ATP6V0E1: variants seen among roughly 807,000 people sequenced by gnomAD.
The protein encoded by ATP6V0E1 is V-type proton ATPase subunit e 1.
ATP6V0E1 carries 4 observed loss-of-function variants against 11.6 expected under a neutral mutation model. The ratio of observed to expected loss-of-function variants is 0.35; its 90% confidence interval spans 0.17 to 0.79. ATP6V0E1 has a LOEUF of 0.79. Among genes scored for constraint, ATP6V0E1 ranks in the 30% least tolerant of loss-of-function variants. The probability of loss-of-function intolerance (pLI) is 0.54; values close to 1 mark genes in which losing one functional copy is unlikely to be tolerated. For missense variants in ATP6V0E1, 105 were observed against 100.0 expected (o/e 1.05, Z -0.21); for synonymous variants, 36 against 34.8 (o/e 1.04, Z -0.13).
chr5:173,015,133 G>C (rs929711256), intron 2 of ATP6V0E1, among the ~76,000 whole-genome samples: 3 of 152,150 alleles, frequency 2.0e-5, no homozygotes, highest in African/African-American at 7.2e-5. Context: ...AAATATTCCA[G>C]AAGGTCACTT....
intron 2 of ATP6V0E1, among the ~76,000 whole-genome samples, chr5:173,000,599 G>A (rs1756137168): frequency 6.6e-6 from 1 of 152,048 alleles, no homozygotes; most frequent in Non-Finnish European, 1.5e-5. Flanking sequence ...AAGGATACTT[G>A]GCACGATTAT....
At chr5:172,984,499 G>A (rs1755851441) in intron 1 of ATP6V0E1, among the ~76,000 whole-genome samples, 1 of 152,198 alleles carries the variant, frequency 6.6e-6, no homozygotes, top group Admixed American at 6.5e-5. Flanking sequence ...TCTAAAGCGA[G>A]ATTAATTACC....
At chr5:173,032,369 C>T (rs1756678706) in intron 3 of ATP6V0E1, among the ~76,000 whole-genome samples, 1 of 151,302 alleles carries the variant, frequency 6.6e-6, no homozygotes, top group Non-Finnish European at 1.5e-5. Context: ...CTCACTGCAA[C>T]CTCCGCCTCC....
chr5:173,023,860 A>G (rs1307847106), intron 3 of ATP6V0E1, among the ~76,000 whole-genome samples: 1 of 151,744 alleles, frequency 6.6e-6, no homozygotes, highest in Non-Finnish European at 1.5e-5. Context: ...ACAAACAAAC[A>G]AAAAACTTTT....
At chr5:173,018,353 G>T (rs750251583) in intron 2 of ATP6V0E1, among the ~76,000 whole-genome samples, 3 of 152,174 alleles carry the variant, frequency 2.0e-5, no homozygotes, top group Non-Finnish European at 4.4e-5. Flanking sequence ...CACTGAGTAG[G>T]CTGAGGAGGA....
At chr5:173,001,317 A>G (rs1756149409) in intron 2 of ATP6V0E1, among the ~76,000 whole-genome samples, 1 of 152,060 alleles carries the variant, frequency 6.6e-6, no homozygotes, top group Non-Finnish European at 1.5e-5. Context: ...CCCTTCATTC[A>G]CTTCCCAAAC....
At chr5:173,024,675 G>A (rs539292749) in intron 3 of ATP6V0E1, among the ~76,000 whole-genome samples, 16 of 152,086 alleles carry the variant, frequency 1.1e-4, no homozygotes, top group Non-Finnish European at 7.4e-5. Context: ...TGCTAGGTGC[G>A]TTTGTTGCTG....
chr5:173,006,129 GT>G (rs56851366), intron 2 of ATP6V0E1, among the ~76,000 whole-genome samples: 9,295 of 151,354 alleles, frequency 0.061, 809 homozygotes, highest in African/African-American at 0.19. Context: ...CCTTATTGTG[GT>G]TTTTTTTTGT....
intron 3 of ATP6V0E1, among the ~76,000 whole-genome samples, chr5:173,024,562 C>T (rs1259681896): frequency 6.6e-6 from 1 of 152,002 alleles, no homozygotes; most frequent in Non-Finnish European, 1.5e-5. Flanking sequence ...GAATTGGTTT[C>T]TGAATTCCCC....
At chr5:173,029,164 T>C (rs1239696952) in intron 3 of ATP6V0E1, among the ~76,000 whole-genome samples, 1 of 152,196 alleles carries the variant, frequency 6.6e-6, no homozygotes, top group African/African-American at 2.4e-5. Context: ...AGTACTGAAG[T>C]AGGGGAAGAC....
intron 3 of ATP6V0E1, among the ~76,000 whole-genome samples, chr5:173,030,933 T>G (rs926586626): frequency 2.0e-5 from 3 of 149,830 alleles, no homozygotes; most frequent in African/African-American, 7.4e-5. Flanking sequence ...ATTTATTTAT[T>G]TATTTATTTA....
intron 2 of ATP6V0E1, among the ~76,000 whole-genome samples, chr5:173,011,175 CTTT>C (rs754605378): frequency 1.3e-4 from 15 of 114,698 alleles, no homozygotes; most frequent in African/African-American, 6.3e-5. Context: ...CCTGATTTAT[CTTT>C]TTTTTTTTTT....
chr5:172,989,530 ATT>A (rs554701143), intron 1 of ATP6V0E1, among the ~76,000 whole-genome samples: 1 of 144,572 alleles, frequency 6.9e-6, no homozygotes. Context: ...CTTACTGAAG[ATT>A]TTTTTTTTTT....
At chr5:173,012,623 G>A (rs1458974720) in intron 2 of ATP6V0E1, among the ~76,000 whole-genome samples, 1 of 151,864 alleles carries the variant, frequency 6.6e-6, no homozygotes, top group Non-Finnish European at 1.5e-5. Context: ...GCATGGTGGC[G>A]CATGCCTGTA....
intron 1 of ATP6V0E1, among the ~76,000 whole-genome samples, chr5:172,990,833 T>TA (rs201409111): frequency 0.017 from 2,301 of 137,372 alleles, 51 homozygotes; most frequent in African/African-American, 0.049. Context: ...TCTCAAAAAT[T>TA]AAAAAAAAAA....
At chr5:172,985,450 C>T (rs1162941954) in intron 1 of ATP6V0E1, among the ~76,000 whole-genome samples, 2 of 152,076 alleles carry the variant, frequency 1.3e-5, no homozygotes, top group African/African-American at 2.4e-5. Context: ...GGTCATCTCT[C>T]CTACCTATAG....
intron 3 of ATP6V0E1, among the ~76,000 whole-genome samples, chr5:173,027,457 G>A (rs1023095855): frequency 4.6e-5 from 7 of 151,160 alleles, no homozygotes; most frequent in African/African-American, 1.2e-4. Context: ...AGCCGAGATC[G>A]TGCCACTGCA....
Position 172,983,864 on chromosome 5 carries a change from G to A in ATP6V0E1, c.4G>A (p.Ala2Thr), listed in dbSNP as rs1422658727. 1 of 1,613,606 alleles carries A rather than the reference G, an allele frequency of 6.2e-7. No individual in the cohort carries two copies. Among genetic ancestry groups the A allele is most frequent in the African/African-American group, 1.3e-5 (1 of 74,936 alleles). Residue 2 changes from alanine to threonine, a missense_variant, in exon 1 of 4, where the codon GCG (alanine) becomes ACG (threonine). Ala to Thr is a moderately conservative substitution (Grantham distance 58). Transcript: ENST00000519374. Reference sequence around the variant, plus strand: ...GGTTGGCGCTCAGGCGGCGACCATGGCGTATCACGGCCTCACTGTGCCTCT... The same window carrying A: ...GGTTGGCGCTCAGGCGGCGACCATGACGTATCACGGCCTCACTGTGCCTCT... M[A>T]YHGLTVPLIV...
Position 173,032,571 on chromosome 5 carries a change from G to A in ATP6V0E1, c.*37-1828G>A, listed in dbSNP as rs150833789. Among the ~76,000 whole-genome samples, 869 of 152,146 alleles carry A rather than the reference G, an allele frequency of 5.7e-3. 12 individuals carry two copies. Among genetic ancestry groups the A allele is most frequent in the African/African-American group, 0.02 (814 of 41,516 alleles). On this transcript the variant is annotated intron_variant, in intron 3 of 3. Coordinates refer to ENST00000519374, the MANE Select transcript of ATP6V0E1 (RefSeq NM_003945.4). ...CTCCCAAAGTGCTGGGATTACAGACGTGAGCCACTGTGCCCGGCCTACATT... is the reference window on the plus strand; with the variant it reads ...CTCCCAAAGTGCTGGGATTACAGACATGAGCCACTGTGCCCGGCCTACATT...
Sources: allele counts gnomAD v4.1 joint callset (sites outside exome capture counted in the v4.1 genomes callset), GRCh38; gene constraint gnomAD v4.1.1; transcripts MANE v1.5; gene names NCBI Gene and HGNC (gene_info 2026-07-23, HGNC 2026-07-21).